CNIH3: variants seen among roughly 807,000 people sequenced by gnomAD.
CNIH3 encodes the protein cornichon family AMPA receptor auxiliary protein 3.
A neutral mutation model predicts 24.1 loss-of-function variants in CNIH3; 14 were observed. That is an observed-to-expected ratio of 0.58 (90% CI 0.38 to 0.91). CNIH3 has a LOEUF of 0.91. Ranked by LOEUF, CNIH3 falls within the 40% of genes least tolerant of loss-of-function variation. The pLI is 0.00. For synonymous variants in CNIH3, 68 were observed against 73.8 expected (o/e 0.92, Z 0.40); for missense variants, 178 against 196.8 (o/e 0.90, Z 0.57).
chr1:224,647,980 A>G (rs775819438), intron 1 of CNIH3, among the ~76,000 whole-genome samples: 5 of 152,190 alleles, frequency 3.3e-5, no homozygotes, highest in Non-Finnish European at 5.9e-5. Context: ...TTTTGGAGAC[A>G]TATACTGATG....
At position 224,703,912 on chromosome 1, in the gene CNIH3, G is replaced by T. The variant is rs1394043335; in HGVS notation, c.198+19069G>T. Among the ~76,000 whole-genome samples, 1 of 152,198 alleles carries T rather than the reference G, an allele frequency of 6.6e-6. No homozygotes were observed. The highest frequency in any genetic ancestry group is 1.5e-5 in the Non-Finnish European group (1 of 68,040). On this transcript the variant is annotated intron_variant, in intron 3 of 5. Transcript: ENST00000272133. The surrounding 1 kb of genome is among the most constrained non-coding windows in gnomAD (Gnocchi z 4.2). ...AGCACACCTGAGTCGCTGCTGCTCTGCAGGCCTCCCACCTCAGCCTACGAC... is the reference window on the plus strand; with the variant it reads ...AGCACACCTGAGTCGCTGCTGCTCTTCAGGCCTCCCACCTCAGCCTACGAC...
intron 3 of CNIH3, among the ~76,000 whole-genome samples, chr1:224,693,623 G>A (rs896825852): frequency 6.6e-6 from 1 of 152,196 alleles, no homozygotes; most frequent in Non-Finnish European, 1.5e-5. Flanking sequence ...AGAAGCAAGA[G>A]AAGAAGTGGA....
intron 1 of CNIH3, among the ~76,000 whole-genome samples, chr1:224,500,541 C>T (rs1449371381): frequency 1.3e-5 from 2 of 152,066 alleles, no homozygotes; most frequent in South Asian, 2.1e-4. Flanking sequence ...GGCTTGGTGG[C>T]ATGCATCTGT....
At chr1:224,601,781 A>G (rs777028989) in intron 3 of CNIH3, among the ~76,000 whole-genome samples, 5 of 152,262 alleles carry the variant, frequency 3.3e-5, no homozygotes, top group African/African-American at 4.8e-5. Context: ...GCAAAATAAT[A>G]TAGTAGTGAA....
chr1:224,697,740 A>G (rs190569552), intron 3 of CNIH3, among the ~76,000 whole-genome samples: 1 of 152,328 alleles, frequency 6.6e-6, no homozygotes. Flanking sequence ...CAAATTGCTG[A>G]AGAAGCAAGA....
chr1:224,478,777 G>T (rs1676685539), intron 1 of CNIH3, among the ~76,000 whole-genome samples: 1 of 152,152 alleles, frequency 6.6e-6, no homozygotes, highest in African/African-American at 2.4e-5. Flanking sequence ...ACAAAAGAAA[G>T]AGTTTTATTG....
At position 224,616,705 on chromosome 1, in the gene CNIH3, C is replaced by G; in HGVS notation, c.-470C>G. On this transcript the variant is annotated 5_prime_UTR_variant, in exon 1 of 6. Coordinates refer to ENST00000272133, the MANE Select transcript of CNIH3 (RefSeq NM_152495.2). Reference sequence around the variant, plus strand: ...CGCTGGACACTATCCGTTTGCGCCCCGGTGGCGCGGGAGGGTCCGGAGCGG... The same window carrying G: ...CGCTGGACACTATCCGTTTGCGCCCGGGTGGCGCGGGAGGGTCCGGAGCGG... 1.0e-6 allele frequency: 1 copy of G among 992,572 alleles called. No homozygotes were observed. Among genetic ancestry groups the G allele is most frequent in the South Asian group, 4.6e-5 (1 of 21,700 alleles). 61.5% of individuals were successfully genotyped at this position (992,572 alleles called of 1,614,324 possible).
At chr1:224,566,003 T>C (rs563983235) in intron 3 of CNIH3, among the ~76,000 whole-genome samples, 1 of 150,682 alleles carries the variant, frequency 6.6e-6, no homozygotes, top group African/African-American at 2.5e-5. Context: ...GGAGCACCAG[T>C]GAAAACACAG....
intron 1 of CNIH3, among the ~76,000 whole-genome samples, chr1:224,632,187 A>G (rs773142582): frequency 2.8e-4 from 43 of 152,152 alleles, no homozygotes; most frequent in Non-Finnish European, 3.8e-4. Flanking sequence ...GCAGGGAGAG[A>G]GGTTCTGTTT....
intron 1 of CNIH3, among the ~76,000 whole-genome samples, chr1:224,484,291 G>A (rs537414113): frequency 1.2e-4 from 18 of 152,120 alleles, no homozygotes; most frequent in East Asian, 1.2e-3. Context: ...TTAGCCGGGC[G>A]CGGTAGTGGG....
intron 1 of CNIH3, among the ~76,000 whole-genome samples, chr1:224,633,092 T>C (rs919840456): frequency 5.3e-5 from 8 of 152,174 alleles, no homozygotes; most frequent in Non-Finnish European, 1.2e-4. Context: ...CTGTCGTGGT[T>C]TGTCTCTTGA....
At chr1:224,512,373 T>C (rs1678191221), upstream of CNIH3, among the ~76,000 whole-genome samples, 2 of 152,246 alleles carry the variant, frequency 1.3e-5, no homozygotes, top group Admixed American at 6.5e-5. Flanking sequence ...TTCTAGCTAC[T>C]TGGGAGGCTG....
Position 224,739,731 on chromosome 1 carries a change from G to C in CNIH3, c.*375G>C, listed in dbSNP as rs1456702886. On this transcript the variant is annotated 3_prime_UTR_variant, in exon 6 of 6. Coordinates refer to ENST00000272133, the MANE Select transcript of CNIH3 (RefSeq NM_152495.2). ...GTTCAAATGAGTTCCTGGGAGCGGA[G>C]GCTGGAAGGCCACAAGGTGCTTGCT... 1 of 255,628 alleles carries C rather than the reference G, an allele frequency of 3.9e-6. No individual in the cohort carries two copies. Among genetic ancestry groups the C allele is most frequent in the Non-Finnish European group, 7.2e-6 (1 of 138,358 alleles). 15.8% of individuals were successfully genotyped at this position (255,628 alleles called of 1,614,324 possible).
At chr1:224,685,931 C>T (rs1686632769) in intron 3 of CNIH3, among the ~76,000 whole-genome samples, 1 of 151,822 alleles carries the variant, frequency 6.6e-6, no homozygotes, top group Admixed American at 6.6e-5. Context: ...AGGAAAATAA[C>T]ATAATATGAA....
At chr1:224,578,892 G>T (rs910381444) in intron 4 of CNIH3, among the ~76,000 whole-genome samples, 1 of 152,066 alleles carries the variant, frequency 6.6e-6, no homozygotes, top group Non-Finnish European at 1.5e-5. Context: ...GTTTTCATCT[G>T]TTGTGCTGAG....
At chr1:224,586,642 TC>T (rs1681521915) in intron 5 of CNIH3, among the ~76,000 whole-genome samples, 1 of 152,164 alleles carries the variant, frequency 6.6e-6, no homozygotes, top group African/African-American at 2.4e-5. Flanking sequence ...TTGAACAGTG[TC>T]CCCCAAGTTT....
At chr1:224,628,421 A>G (rs1683648577) in intron 1 of CNIH3, among the ~76,000 whole-genome samples, 1 of 152,028 alleles carries the variant, frequency 6.6e-6, no homozygotes, top group Non-Finnish European at 1.5e-5. Context: ...CTCTGTGCCC[A>G]TTAAACAGTA....
chr1:224,485,862 T>G (rs1677008141), intron 1 of CNIH3, among the ~76,000 whole-genome samples: 1 of 152,192 alleles, frequency 6.6e-6, no homozygotes, highest in Non-Finnish European at 1.5e-5. Flanking sequence ...TCCACAATCA[T>G]CAACTTGTAA....
At chr1:224,541,142 A>G (rs895700530), downstream of CNIH3, among the ~76,000 whole-genome samples, 5 of 152,346 alleles carry the variant, frequency 3.3e-5, no homozygotes, top group African/African-American at 1.2e-4. Context: ...ATTTATTAAG[A>G]AAGGTTTTCA....
Sources: gnomAD v4.1 joint callset for allele counts (sites outside exome capture counted in the v4.1 genomes callset) on GRCh38, gnomAD v4.1.1 for gene constraint, Gnocchi (gnomAD v3.1) non-coding constraint, MANE v1.5 for transcripts, NCBI Gene and HGNC (gene_info 2026-07-23, HGNC 2026-07-21) for gene names.